USP39: variants seen among roughly 807,000 people sequenced by gnomAD.
USP39 encodes the protein ubiquitin specific peptidase 39, also known as ubiquitin carboxyl-terminal hydrolase 39.
In USP39, 38 loss-of-function variants were observed where a neutral mutation model predicts 66.4. The ratio of observed to expected loss-of-function variants is 0.57; its 90% CI spans 0.44 to 0.75. The LOEUF (loss-of-function observed/expected upper bound fraction) is 0.75. Ranked by LOEUF, USP39 falls within the 30% of genes least tolerant of loss-of-function variation. The pLI, the probability that USP39 is intolerant of heterozygous loss-of-function variation, is 0.00. For missense variants in USP39, 608 were observed against 714.4 expected, an observed-to-expected ratio of 0.85 and a Z score of 1.70; for synonymous variants, 303 against 274.6, an observed-to-expected ratio of 1.10 and a Z score of -1.02.
chr2:85,637,788 C>G (rs576394016), intron 8 of USP39, among the ~76,000 whole-genome samples: 3 of 152,138 alleles, frequency 2.0e-5, no homozygotes, highest in Non-Finnish European at 4.4e-5. Context: ...CCTCTACCTC[C>G]TGGGTTCAAG....
chr2:85,612,510 A>AC (rs11378092), upstream of USP39, among the ~76,000 whole-genome samples: 11,712 of 152,264 alleles, frequency 0.077, 1,504 homozygotes, highest in African/African-American at 0.26. Context: ...CAGGCAGGGC[A>AC]ACAGCGGCGC....
At position 85,604,660 on chromosome 2, in the gene USP39, G is replaced by A. The variant is rs548084015; in HGVS notation, n.226+1579G>A. Among the ~76,000 whole-genome samples the A allele has an allele frequency of 9.8e-5, 15 of 152,366 alleles. No individual in the cohort carries two copies. In the East Asian group the frequency reaches 2.3e-3, roughly 23 times the overall value. On this transcript the variant is annotated intron_variant and non_coding_transcript_variant, in intron 1 of 12. Transcript: ENST00000459775. The stretch of plus-strand genomic sequence containing the variant: ...TCACCTGCCGCTGGCTATGCTTTGT[G>A]CCTCAGGACAAGGGTGTGCTTCCTT...
chr2:85,617,910 C>T (rs1674119712), intron 1 of USP39, among the ~76,000 whole-genome samples: 1 of 151,996 alleles, frequency 6.6e-6, no homozygotes, highest in Admixed American at 6.6e-5. Flanking sequence ...ATCTGAGACC[C>T]ACTCAAGTTT....
chr2:85,609,379 A>G, upstream of USP39: 3 of 1,588,258 alleles, frequency 1.9e-6, no homozygotes, highest in African/African-American at 1.3e-5. Context: ...GGGTCTGACA[A>G]TGATTACTAC....
At chr2:85,640,089 C>T (rs1197445071) in intron 9 of USP39, among the ~76,000 whole-genome samples, 1 of 152,028 alleles carries the variant, frequency 6.6e-6, no homozygotes, top group East Asian at 1.9e-4. Context: ...CCAGGCCATT[C>T]TTTAACTCCT....
upstream of USP39, among the ~76,000 whole-genome samples, chr2:85,615,349 T>G (rs1157128751): frequency 6.6e-6 from 1 of 152,134 alleles, no homozygotes; most frequent in East Asian, 1.9e-4. Context: ...ATGTAGTTTG[T>G]TGTATGTCAA....
intron 2 of USP39, among the ~76,000 whole-genome samples, chr2:85,619,515 T>C (rs1480908054): frequency 2.0e-5 from 3 of 151,076 alleles, no homozygotes; most frequent in Non-Finnish European, 2.9e-5. Context: ...ACAGGATGCA[T>C]AGTATCCTAA....
At chr2:85,616,568 G>C (rs1673980390) in intron 1 of USP39, 105 bp downstream of exon 1, 1 of 1,352,586 alleles carries the variant, frequency 7.4e-7, no homozygotes, top group Non-Finnish European at 9.6e-7. Context: ...TTGGGGGAGG[G>C]GTGGGGTTGG....
At chr2:85,631,217 G>A (rs570198952) in intron 6 of USP39, among the ~76,000 whole-genome samples, 2 of 151,356 alleles carry the variant, frequency 1.3e-5, no homozygotes, top group Admixed American at 6.6e-5. Context: ...GTTTCACTAT[G>A]TTGGCCAGGC....
At chr2:85,611,572 A>C (rs1331233915), upstream of USP39, 1 of 1,551,186 alleles carries the variant, frequency 6.4e-7, no homozygotes, top group Non-Finnish European at 8.7e-7. Context: ...GATGAGCTGA[A>C]CCTTAGGAGT....
upstream of USP39, chr2:85,609,626 G>C: frequency 1.9e-6 from 3 of 1,611,202 alleles, no homozygotes; most frequent in Non-Finnish European, 2.5e-6. Context: ...GAGGGGGGGT[G>C]CTGCTGAAGG....
At chr2:85,618,841 C>T (rs1406737126) in intron 1 of USP39, among the ~76,000 whole-genome samples, 1 of 151,856 alleles carries the variant, frequency 6.6e-6, no homozygotes, top group Non-Finnish European at 1.5e-5. Flanking sequence ...ACGATCTCTG[C>T]TCACTGCAAC....
At chr2:85,622,133 T>C (rs1674512312) in intron 3 of USP39, among the ~76,000 whole-genome samples, 1 of 145,868 alleles carries the variant, frequency 6.9e-6, no homozygotes, top group Non-Finnish European at 1.5e-5. Context: ...TTTTTTTTTT[T>C]TTTAAGAGAT....
At chr2:85,606,540 T>C (rs760227270) in intron 1 of USP39, 7 of 152,238 alleles carry the variant, frequency 4.6e-5, no homozygotes, top group African/African-American at 4.8e-5. Context: ...GCATCTCCGA[T>C]AGGCCAGCTC....
Position 85,625,667 on chromosome 2 carries a change from T to C in USP39, c.699T>C (p.Asn233=), listed in dbSNP as rs117867285. The C allele has an allele frequency of 3.2e-4, 512 of 1,613,566 alleles. 6 individuals carry two copies. In the East Asian group the frequency reaches 0.01, roughly 32 times the overall value. Residue 233 remains asparagine, a synonymous_variant, in exon 5 of 13, where the codon AAT becomes AAC. Coordinates refer to ENST00000323701, the MANE Select transcript of USP39 (RefSeq NM_006590.4). ...TGGGACTGAATAACATAAAGGCCAA[T>C]GATTATGCCAACGCTGTCCTTCAGG... The part of the protein sequence containing the change: ...GIVGLNNIKA[N]DYANAVLQAL...
chr2:85,612,459 A>G (rs1482895179), upstream of USP39: 1 of 1,251,516 alleles, frequency 8.0e-7, no homozygotes, highest in Non-Finnish European at 1.1e-6. Flanking sequence ...GGGAACACCT[A>G]GAGCACCTAC....
chr2:85,648,790 C>T lies in USP39; in HGVS notation c.1680C>T (p.Thr560=), dbSNP rs1231607127. 6 of 1,614,086 alleles carry T rather than the reference C, an allele frequency of 3.7e-6. No individual in the cohort carries two copies. Among genetic ancestry groups the T allele is most frequent in the Admixed American group, 1.7e-5 (1 of 60,008 alleles). ...QIWKRRDNDE[T]NQQGA is the part of the protein sequence containing the mutation. ...GGAAGAGGCGAGATAATGATGAAAC[C>T]AACCAGCAGGGGGCTTGAAGGAGGC... The change falls in exon 13 of 13, where the codon ACC becomes ACT. Residue 560 remains threonine, a synonymous_variant. Transcript: ENST00000323701.
chr2:85,645,517 T>G (rs1368578851), intron 11 of USP39, among the ~76,000 whole-genome samples: 2 of 152,024 alleles, frequency 1.3e-5, no homozygotes, highest in African/African-American at 4.8e-5. Context: ...CTCCTGACCT[T>G]GTGATCCACC....
chr2:85,632,465 T>G (rs1675428777), intron 6 of USP39, among the ~76,000 whole-genome samples: 2 of 151,238 alleles, frequency 1.3e-5, no homozygotes. Flanking sequence ...TTTTTTTTTT[T>G]GAGACAGAGT....
Sources: allele counts gnomAD v4.1 joint callset (sites outside exome capture counted in the v4.1 genomes callset), GRCh38; gene constraint gnomAD v4.1.1; transcripts MANE v1.5; gene names NCBI Gene and HGNC (gene_info 2026-07-23, HGNC 2026-07-21).